Variants in PDE10A observed in about 807,000 individuals in gnomAD.
PDE10A encodes phosphodiesterase 10A.
Under a neutral mutation model 97.7 loss-of-function variants are expected in PDE10A, and 39 were observed. That is an observed-to-expected ratio of 0.40 (90% CI 0.31 to 0.52). The LOEUF is 0.52. PDE10A is among the 20% of genes least tolerant of loss of function. The pLI, the probability that PDE10A is intolerant of heterozygous loss-of-function variation, is 0.56. For missense variants in PDE10A, 731 were observed against 1,047.8 expected, an observed-to-expected ratio of 0.70 and a Z score of 4.17; for synonymous variants, 371 against 376.8, an observed-to-expected ratio of 0.98 and a Z score of 0.18.
intron 18 of PDE10A, among the ~76,000 whole-genome samples, chr6:165,362,068 A>G (rs545297232): frequency 1.3e-5 from 2 of 152,330 alleles, no homozygotes; most frequent in Admixed American, 1.3e-4. Context: ...ATTTAGAGCT[A>G]TGAATGTCTA....
chr6:165,365,314 T>C (rs970815231), intron 18 of PDE10A, among the ~76,000 whole-genome samples: 6 of 152,194 alleles, frequency 3.9e-5, no homozygotes, highest in South Asian at 2.1e-4. Context: ...GCATAATACA[T>C]TGACCAAGAG....
At chr6:165,387,644 T>A (rs991741093) in intron 17 of PDE10A, among the ~76,000 whole-genome samples, 8 of 152,200 alleles carry the variant, frequency 5.3e-5, no homozygotes, top group African/African-American at 1.9e-4. Flanking sequence ...TCTTCCTACT[T>A]AGAGGTGCTG....
intron 2 of PDE10A, among the ~76,000 whole-genome samples, chr6:165,515,713 G>A (rs956829566): frequency 5.9e-5 from 9 of 151,734 alleles, no homozygotes; most frequent in South Asian, 2.1e-4. Context: ...TAGTAGAGAC[G>A]GGGATTCACC....
At chr6:165,949,049 G>A (rs1032473785) in intron 1 of PDE10A, 9 of 152,230 alleles carry the variant, frequency 5.9e-5, no homozygotes, top group African/African-American at 2.2e-4. Flanking sequence ...TGAGTTTTGA[G>A]TTGATGGATT....
At chr6:165,856,498 A>C (rs1012076569) in intron 1 of PDE10A, among the ~76,000 whole-genome samples, 2 of 152,196 alleles carry the variant, frequency 1.3e-5, no homozygotes, top group Non-Finnish European at 2.9e-5. Flanking sequence ...GATGTCGTCC[A>C]TGAAGGCTTT....
chr6:165,629,009 T>G (rs1788510249), intron 1 of PDE10A, among the ~76,000 whole-genome samples: 1 of 152,124 alleles, frequency 6.6e-6, no homozygotes, highest in Admixed American at 6.5e-5. Context: ...ATCATGATTT[T>G]TATGGGTTTT....
At chr6:165,651,471 C>T (rs769274506) in intron 1 of PDE10A, among the ~76,000 whole-genome samples, 1 of 152,152 alleles carries the variant, frequency 6.6e-6, no homozygotes, top group South Asian at 2.1e-4. Flanking sequence ...TCAAGAACTA[C>T]AGGGAGTTGT....
rs976362774 is a variant in PDE10A at position 165,447,539 on chromosome 6, C to T, written c.1194+1389G>A. On this transcript the variant is annotated intron_variant, in intron 5 of 21. Coordinates refer to ENST00000539869, the MANE Select transcript of PDE10A (RefSeq NM_001385079.1). ...GGACCACAACAGACTGCATTCCACA[C>T]GTATCAGCCAATTAAAAAATAATGG... 1.4e-4 allele frequency among the ~76,000 whole-genome samples: 21 copies of T among 152,006 alleles called. 1 individual carries two copies. Among genetic ancestry groups the T allele is most frequent in the Non-Finnish European group, 2.9e-5 (2 of 68,010 alleles).
At chr6:165,943,178 AG>A (rs1783597379) in intron 1 of PDE10A, among the ~76,000 whole-genome samples, 1 of 48,018 alleles carries the variant, frequency 2.1e-5, no homozygotes, top group Non-Finnish European at 3.5e-5. Flanking sequence ...GAAAGAAAAA[AG>A]AAAGAAAGAA....
chr6:165,525,137 CTAGAGG>C (rs1171899602), intron 2 of PDE10A, among the ~76,000 whole-genome samples: 2 of 152,110 alleles, frequency 1.3e-5, no homozygotes, highest in Non-Finnish European at 2.9e-5. Context: ...CGGCGAGCCC[CTAGAGG>C]TAAAGTTGAG....
chr6:165,824,827 G>A (rs1380501893), intron 1 of PDE10A, among the ~76,000 whole-genome samples: 5 of 151,922 alleles, frequency 3.3e-5, no homozygotes, highest in African/African-American at 1.2e-4. Flanking sequence ...CTGTTGCATT[G>A]TATTTGAAAG....
chr6:165,624,327 G>T (rs560707651), intron 1 of PDE10A, among the ~76,000 whole-genome samples: 1 of 152,042 alleles, frequency 6.6e-6, no homozygotes, highest in Non-Finnish European at 1.5e-5. Context: ...GTCATTCCCC[G>T]ATTCAAAACA....
rs564909450 is a variant in PDE10A, at chr6:165,655,861, G to A, written c.865+6086C>T. Among the ~76,000 whole-genome samples the A allele has an allele frequency of 1.9e-4, 29 of 152,148 alleles. No homozygotes were observed. Among genetic ancestry groups the A allele is most frequent in the Middle Eastern group, 3.4e-3 (1 of 294 alleles). ...TGGTGGGCTCAGCTCCAGCACGGCC[G>A]TCACCCCGCTCCTCTGCCTTGTGAG... is the stretch of plus-strand genomic sequence containing the variant. On this transcript the variant is annotated intron_variant, in intron 1 of 21. Coordinates refer to ENST00000539869, the MANE Select transcript of PDE10A (RefSeq NM_001385079.1). The surrounding 1 kb of genome is among the most constrained non-coding windows in gnomAD (Gnocchi z 4.5).
At chr6:165,469,966 C>T (rs773932205) in intron 3 of PDE10A, among the ~76,000 whole-genome samples, 13 of 152,182 alleles carry the variant, frequency 8.5e-5, no homozygotes, top group African/African-American at 2.7e-4. Context: ...TTGTGCTTTC[C>T]GTTCCACCCT....
intron 2 of PDE10A, among the ~76,000 whole-genome samples, chr6:165,530,787 C>T (rs1782732607): frequency 6.6e-6 from 1 of 152,092 alleles, no homozygotes; most frequent in Admixed American, 6.5e-5. Flanking sequence ...CATGACAAAC[C>T]ATCAGATAAG....
At chr6:165,791,292 T>G (rs1778642740) in intron 1 of PDE10A, among the ~76,000 whole-genome samples, 3 of 152,036 alleles carry the variant, frequency 2.0e-5, no homozygotes, top group Admixed American at 6.5e-5. Flanking sequence ...ATCACACCAG[T>G]GAGATCACAC....
chr6:165,674,413 G>T (rs1174768419), intron 1 of PDE10A, among the ~76,000 whole-genome samples: 2 of 152,078 alleles, frequency 1.3e-5, no homozygotes, highest in African/African-American at 2.4e-5. Flanking sequence ...GCTGCCCATG[G>T]AAGTTCCTTT....
At chr6:165,339,779 CAT>C (rs1311307847) in intron 19 of PDE10A, among the ~76,000 whole-genome samples, 1 of 152,202 alleles carries the variant, frequency 6.6e-6, no homozygotes, top group East Asian at 1.9e-4. Flanking sequence ...GGAAGATAAA[CAT>C]CACCAGTCGA....
intron 1 of PDE10A, among the ~76,000 whole-genome samples, chr6:165,943,982 A>T (rs1398114441): frequency 1.3e-5 from 2 of 152,178 alleles, no homozygotes; most frequent in Non-Finnish European, 2.9e-5. Flanking sequence ...CATACCCAAG[A>T]CTGGGTAATT....
Sources: allele counts gnomAD v4.1 joint callset (sites outside exome capture counted in the v4.1 genomes callset), GRCh38; gene constraint gnomAD v4.1.1; non-coding constraint Gnocchi (gnomAD v3.1); transcripts MANE v1.5; gene names NCBI Gene and HGNC (gene_info 2026-07-23, HGNC 2026-07-21).